The following AK4 variants were observed in gnomAD, a reference collection of about 807,000 sequenced individuals.
The protein encoded by AK4 is adenylate kinase 4, mitochondrial.
AK4 carries 13 observed loss-of-function variants against 24.6 expected under a neutral mutation model. That is an observed-to-expected ratio of 0.53 (90% CI 0.34 to 0.84). The LOEUF (loss-of-function observed/expected upper bound fraction) is 0.84. AK4 is among the 40% of genes least tolerant of loss of function. The pLI is 0.01. For synonymous variants in AK4, 88 were observed against 107.0 expected (o/e 0.82, Z 1.10); for missense variants, 192 against 288.2 (o/e 0.67, Z 2.42).
At chr1:65,210,220 C>G (rs1240468773) in intron 2 of AK4, among the ~76,000 whole-genome samples, 3 of 152,082 alleles carry the variant, frequency 2.0e-5, no homozygotes, top group African/African-American at 7.2e-5. Context: ...ACACAGCACC[C>G]CAAACTTTGG....
chr1:65,192,186 A>G (rs1382303294), intron 2 of AK4, among the ~76,000 whole-genome samples: 2 of 152,220 alleles, frequency 1.3e-5, no homozygotes, highest in Admixed American at 6.5e-5. Flanking sequence ...TTTATTTCTC[A>G]TGGTTCTAGA....
chr1:65,163,218 C>T (rs1650225593), intron 1 of AK4, among the ~76,000 whole-genome samples: 1 of 152,152 alleles, frequency 6.6e-6, no homozygotes, highest in Non-Finnish European at 1.5e-5. Flanking sequence ...TTTACCTTCC[C>T]ACTAGCAATG....
rs1289988053 is a variant in AK4, at chr1:65,227,565, AT to A, written c.*1391del. 4 of 145,150 alleles carry A rather than the reference AT, an allele frequency of 2.8e-5. No individual in the cohort carries two copies. The highest frequency in any genetic ancestry group is 1.5e-5 in the Non-Finnish European group (1 of 65,568). 9.0% of individuals were successfully genotyped at this position (145,150 alleles called of 1,614,324 possible). On this transcript the variant is annotated 3_prime_UTR_variant, in exon 5 of 5. Coordinates refer to ENST00000327299, the MANE Select transcript of AK4 (RefSeq NM_013410.4). ...GCTGTCTTCTGGGAAGGATGATGAA[AT>A]TTATTCCTGCTGCCTTAAAAATATG...
intron 1 of AK4, among the ~76,000 whole-genome samples, chr1:65,153,741 G>C (rs565672586): frequency 4.6e-5 from 7 of 152,162 alleles, no homozygotes; most frequent in Non-Finnish European, 8.8e-5. Flanking sequence ...TGTGTGATTA[G>C]GGAAGGCCTC....
chr1:65,185,624 C>CTTTTTT (rs35079324), intron 1 of AK4, among the ~76,000 whole-genome samples: 2 of 136,228 alleles, frequency 1.5e-5, no homozygotes, highest in African/African-American at 2.8e-5. Context: ...ATATGACCAT[C>CTTTTTT]TTTTTTTTTT....
In AK4 at chr1:65,180,384, C is replaced by G. The variant is rs375503536; in HGVS notation, c.146-10326C>G. On this transcript the variant is annotated intron_variant, in intron 1 of 4. Transcript: ENST00000327299. ...CTTCATAGTTACCCATAGCAAGTGT[C>G]AGAGAGTGATTTAAAACTGTATTTT... 4.3e-4 allele frequency among the ~76,000 whole-genome samples: 65 copies of G among 152,214 alleles called. 2 individuals carry two copies. In the South Asian group the frequency reaches 0.012, roughly 28 times the overall value.
chr1:65,224,888 T>C lies in AK4; in HGVS notation c.557+18T>C. ...TTATACAAGTGAGTGTGCTTCAATA[T>C]TTTCATGACAAAGGACAGACTGGAA... On this transcript the variant is annotated intron_variant, in intron 4 of 4. Transcript: ENST00000327299. The C allele has an allele frequency of 1.9e-6, 3 of 1,589,402 alleles. No homozygotes were observed. Among genetic ancestry groups the C allele is most frequent in the Non-Finnish European group, 2.6e-6 (3 of 1,157,896 alleles).
intron 1 of AK4, among the ~76,000 whole-genome samples, chr1:65,157,933 C>T (rs771081701): frequency 1.4e-4 from 21 of 152,156 alleles, no homozygotes; most frequent in Non-Finnish European, 2.8e-4. Context: ...ATGAGTACAG[C>T]TACAAAAAGA....
At chr1:65,190,880 T>G (rs1651284528) in intron 2 of AK4, 51 bp downstream of exon 2, 3 of 1,589,976 alleles carry the variant, frequency 1.9e-6, no homozygotes, top group Non-Finnish European at 8.6e-7. Flanking sequence ...TCAGTTAAGG[T>G]CTTGCACACT....
At chr1:65,204,024 C>T (rs1371151213) in intron 2 of AK4, among the ~76,000 whole-genome samples, 1 of 151,882 alleles carries the variant, frequency 6.6e-6, no homozygotes, top group Non-Finnish European at 1.5e-5. Context: ...AACATCCAAG[C>T]CATATGGAAA....
intron 3 of AK4, among the ~76,000 whole-genome samples, chr1:65,222,488 C>T (rs898808120): frequency 6.6e-6 from 1 of 152,148 alleles, no homozygotes; most frequent in African/African-American, 2.4e-5. Flanking sequence ...CAGTGGTAGC[C>T]GGATTCCCTG....
At chr1:65,159,634 C>T (rs1349591389) in intron 1 of AK4, among the ~76,000 whole-genome samples, 1 of 151,678 alleles carries the variant, frequency 6.6e-6, no homozygotes, top group Non-Finnish European at 1.5e-5. Context: ...GTTTGAGCCA[C>T]TGCACCCCAG....
In AK4 at chr1:65,152,354, CTCTCTCTATATATA is replaced by C. The variant is rs1244170341; in HGVS notation, c.145+3804_145+3817del. Among the ~76,000 whole-genome samples, 47 of 38,000 alleles carry C rather than the reference CTCTCTCTATATATA, an allele frequency of 1.2e-3. No individual in the cohort carries two copies. The East Asian group carries it at 0.021, about 17-fold the overall frequency. 24.9% of individuals were successfully genotyped at this position (38,000 alleles called of 152,430 possible). A position where few individuals can be genotyped will look rare whatever the true frequency, so the allele number is the denominator to read the frequency against. On this transcript the variant is annotated intron_variant, in intron 1 of 4. Transcript: ENST00000327299. ...TCTCTCTCTCTCTCTCTCTCTCTCTCTCTCTCTATATATATATATATATATATATATTTTTTTTT... is the reference window on the plus strand; with the variant it reads ...TCTCTCTCTCTCTCTCTCTCTCTCTCTATATATATATATATATTTTTTTTT...
At chr1:65,197,673 CACTT>C (rs753717976) in intron 2 of AK4, among the ~76,000 whole-genome samples, 53 of 152,218 alleles carry the variant, frequency 3.5e-4, no homozygotes, top group Non-Finnish European at 6.5e-4. Context: ...GCTACGCACT[CACTT>C]AGAGCCCTTG....
At chr1:65,159,827 G>T (rs928409676) in intron 1 of AK4, among the ~76,000 whole-genome samples, 1 of 151,958 alleles carries the variant, frequency 6.6e-6, no homozygotes, top group Non-Finnish European at 1.5e-5. Flanking sequence ...AATTAGCTGG[G>T]CATGGTGGTG....
intron 1 of AK4, among the ~76,000 whole-genome samples, chr1:65,167,114 C>T (rs184697726): frequency 6.6e-6 from 1 of 151,930 alleles, no homozygotes; most frequent in Admixed American, 6.6e-5. Context: ...GCCTGGGTGA[C>T]AGAGAAAGAC....
At chr1:65,174,450 C>CTTA (rs959966418) in intron 1 of AK4, among the ~76,000 whole-genome samples, 1 of 152,116 alleles carries the variant, frequency 6.6e-6, no homozygotes, top group Admixed American at 6.5e-5. Flanking sequence ...AGTGTCAGGA[C>CTTA]TTATTATTAT....
chr1:65,185,374 CTATT>C (rs908637451), intron 1 of AK4, among the ~76,000 whole-genome samples: 6 of 152,158 alleles, frequency 3.9e-5, no homozygotes, highest in African/African-American at 1.4e-4. Flanking sequence ...CTAAAACTAT[CTATT>C]TAAAATTCCT....
At chr1:65,209,038 T>A (rs1244452642) in intron 2 of AK4, among the ~76,000 whole-genome samples, 4 of 152,174 alleles carry the variant, frequency 2.6e-5, no homozygotes, top group Admixed American at 2.6e-4. Flanking sequence ...TAATTAGTGA[T>A]ATAACAAGAC....
Sources: allele counts gnomAD v4.1 joint callset (sites outside exome capture counted in the v4.1 genomes callset), GRCh38; gene constraint gnomAD v4.1.1; transcripts MANE v1.5; gene names NCBI Gene and HGNC (gene_info 2026-07-23, HGNC 2026-07-21).